Variants in CHRNA7 observed in about 807,000 individuals in gnomAD.
The protein encoded by CHRNA7 is cholinergic receptor nicotinic alpha 7 subunit, also known as neuronal acetylcholine receptor subunit alpha-7.
In CHRNA7, 17 loss-of-function variants were observed where a neutral mutation model predicts 48.0. The ratio of observed to expected loss-of-function variants is 0.35; its 90% CI spans 0.24 to 0.53. The LOEUF (loss-of-function observed/expected upper bound fraction) is 0.53. CHRNA7 is among the 20% of genes least tolerant of loss of function. The probability of loss-of-function intolerance (pLI) is 0.92; values close to 1 mark genes in which losing one functional copy is unlikely to be tolerated. For synonymous variants in CHRNA7, 75 were observed against 242.3 expected (o/e 0.31, Z 6.41); for missense variants, 155 against 577.7 (o/e 0.27, Z 7.50).
At chr15:32,082,363 TGA>T (rs1249411551) in intron 2 of CHRNA7, among the ~76,000 whole-genome samples, 3 of 151,166 alleles carry the variant, frequency 2.0e-5, no homozygotes, top group Non-Finnish European at 4.4e-5. Flanking sequence ...CCCATAAGTC[TGA>T]CTTTTTTTTC....
intron 4 of CHRNA7, among the ~76,000 whole-genome samples, chr15:32,152,793 T>A (rs1485366823): frequency 1.3e-5 from 2 of 152,164 alleles, no homozygotes; most frequent in East Asian, 3.9e-4. Context: ...AGTTGTTTAC[T>A]ATCTCTCCAA....
chr15:32,037,474 G>T (rs549364556), intron 2 of CHRNA7, among the ~76,000 whole-genome samples: 56 of 152,084 alleles, frequency 3.7e-4, no homozygotes, highest in Non-Finnish European at 7.1e-4. Context: ...AACCTTCTGG[G>T]ATTTGATTGA....
chr15:32,140,982 A>G (rs1429505079), intron 4 of CHRNA7, among the ~76,000 whole-genome samples: 1 of 152,148 alleles, frequency 6.6e-6, no homozygotes. Context: ...TGTTTTAGTC[A>G]TGAAGTCTTT....
At chr15:32,032,883 A>G (rs1364204539) in intron 2 of CHRNA7, among the ~76,000 whole-genome samples, 1 of 152,240 alleles carries the variant, frequency 6.6e-6, no homozygotes, top group African/African-American at 2.4e-5. Context: ...CTTCTTCTTT[A>G]AGAGACTCTT....
chr15:32,068,255 T>C (rs891983321), intron 2 of CHRNA7, among the ~76,000 whole-genome samples: 3 of 152,048 alleles, frequency 2.0e-5, no homozygotes, highest in African/African-American at 7.2e-5. Context: ...GAGGCTACAG[T>C]GAACTGTGAT....
intron 4 of CHRNA7, among the ~76,000 whole-genome samples, chr15:32,151,455 C>CT (rs111318707): frequency 0.017 from 2,552 of 150,932 alleles, 58 homozygotes; most frequent in African/African-American, 0.057. Flanking sequence ...TTGAAAACCC[C>CT]TTTTTTTTTG....
chr15:32,114,027 T>TAC (rs1336093270), intron 4 of CHRNA7, among the ~76,000 whole-genome samples: 2 of 91,864 alleles, frequency 2.2e-5, no homozygotes, highest in Admixed American at 1.5e-4. Flanking sequence ...CAAATATATA[T>TAC]ATATATATAT....
intron 2 of CHRNA7, among the ~76,000 whole-genome samples, chr15:32,068,521 A>G (rs769069751): frequency 6.6e-6 from 1 of 152,216 alleles, no homozygotes; most frequent in Non-Finnish European, 1.5e-5. Flanking sequence ...TAGTGAAGCT[A>G]GAGCTACAGT....
In CHRNA7 at chr15:32,066,262, T is replaced by C. The variant is rs145499306; in HGVS notation, c.196-35041T>C. On this transcript the variant is annotated intron_variant, in intron 2 of 9. Coordinates refer to ENST00000306901, the MANE Select transcript of CHRNA7 (RefSeq NM_000746.6). ...AAACCTAGGGTTGGAGGATATACTT[T>C]CCAGATTTTTCACATTATAGTATTT... Among the ~76,000 whole-genome samples, 268 of 151,484 alleles carry C rather than the reference T, an allele frequency of 1.8e-3. 2 individuals carry two copies. The highest frequency in any genetic ancestry group is 2.9e-3 in the East Asian group (15 of 5,172).
intron 2 of CHRNA7, among the ~76,000 whole-genome samples, chr15:32,052,446 A>G (rs191074820): frequency 6.6e-6 from 1 of 152,260 alleles, no homozygotes; most frequent in East Asian, 1.9e-4. Context: ...GTTAGATGGA[A>G]GAGGCCAGGT....
rs2141254880 is a variant in CHRNA7, at chr15:32,097,747, G to A, written c.196-3556G>A. Among the ~76,000 whole-genome samples, 4 of 152,352 alleles carry A rather than the reference G, an allele frequency of 2.6e-5. 1 individual carries two copies. The highest frequency in any genetic ancestry group is 7.2e-5 in the African/African-American group (3 of 41,580). On this transcript the variant is annotated intron_variant, in intron 2 of 9. Transcript: ENST00000306901. The stretch of plus-strand genomic sequence containing the variant: ...TGCATATTTATTCACAGGCCTCTGG[G>A]CCAGGGTTGGATGTTTCTGTCCCCT...
intron 2 of CHRNA7, among the ~76,000 whole-genome samples, chr15:32,067,796 C>T (rs1222190966): frequency 6.6e-6 from 1 of 152,174 alleles, no homozygotes; most frequent in East Asian, 1.9e-4. Context: ...AGTTTTTGTA[C>T]ACTATTGCTT....
At chr15:32,051,577 G>T (rs1326434455) in intron 2 of CHRNA7, among the ~76,000 whole-genome samples, 2 of 35,002 alleles carry the variant, frequency 5.7e-5, no homozygotes, top group Non-Finnish European at 1.5e-4. Context: ...CCAGGAAAGG[G>T]AACTCCCTGA....
chr15:32,045,631 G>A (rs1259315523), intron 2 of CHRNA7, among the ~76,000 whole-genome samples: 1 of 151,570 alleles, frequency 6.6e-6, no homozygotes, highest in Non-Finnish European at 1.5e-5. Flanking sequence ...CTCTCTCCCG[G>A]GTTCCAGTGA....
At chr15:32,161,551 C>CACTCCCTGGTTTACAGCTGGCCCT (rs2051889857) in intron 8 of CHRNA7, 2 of 71,264 alleles carry the variant, frequency 2.8e-5, no homozygotes, top group Admixed American at 2.5e-4. Flanking sequence ...GGTGAGGGGC[C>CACTCCCTGGTTTACAGCTGGCCCT]ACTCCCTGGT....
intron 2 of CHRNA7, among the ~76,000 whole-genome samples, chr15:32,044,942 A>G (rs192471240): frequency 2.6e-5 from 4 of 152,328 alleles, no homozygotes; most frequent in African/African-American, 9.6e-5. Flanking sequence ...TTGTCTCTCC[A>G]TGCTTCATCC....
At chr15:32,033,506 C>T (rs1285855769) in intron 2 of CHRNA7, among the ~76,000 whole-genome samples, 1 of 152,218 alleles carries the variant, frequency 6.6e-6, no homozygotes, top group South Asian at 2.1e-4. Flanking sequence ...GTAACTTCGG[C>T]AGAACAAAGT....
At chr15:32,144,246 C>G (rs963249008) in intron 4 of CHRNA7, among the ~76,000 whole-genome samples, 2 of 152,218 alleles carry the variant, frequency 1.3e-5, no homozygotes, top group African/African-American at 2.4e-5. Flanking sequence ...TTGGCCCCCA[C>G]TCTCTTCTGG....
At chr15:32,075,863 TTCTA>T (rs1424546868) in intron 2 of CHRNA7, among the ~76,000 whole-genome samples, 2 of 150,426 alleles carry the variant, frequency 1.3e-5, no homozygotes, top group African/African-American at 4.8e-5. Flanking sequence ...ATTGCTTGCT[TTCTA>T]TCTCACAAAT....
Sources: allele counts gnomAD v4.1 joint callset (sites outside exome capture counted in the v4.1 genomes callset), GRCh38; gene constraint gnomAD v4.1.1; transcripts MANE v1.5; gene names NCBI Gene and HGNC (gene_info 2026-07-23, HGNC 2026-07-21).